Variants in PLAGL1 observed in about 807,000 individuals in gnomAD.
PLAGL1 encodes PLAG1 like zinc finger 1.
PLAGL1 carries 1 observed loss-of-function variant against 4.6 expected under a neutral mutation model. The observed-to-expected ratio is 0.22, with a 90% CI of 0.08 to 1.03. PLAGL1 has a LOEUF of 1.03. Among genes scored for constraint, PLAGL1 ranks in the 50% least tolerant of loss-of-function variants. The pLI, the probability that PLAGL1 is intolerant of heterozygous loss-of-function variation, is 0.58. For synonymous variants in PLAGL1, 240 were observed against 237.8 expected, an observed-to-expected ratio of 1.01 and a Z score of -0.08; for missense variants, 464 against 570.4, an observed-to-expected ratio of 0.81 and a Z score of 1.90.
Position 144,059,486 on chromosome 6 carries a change from C to T in PLAGL1, c.-151+4982G>A, listed in dbSNP as rs1799229162. 6.6e-6 allele frequency among the ~76,000 whole-genome samples: 1 copy of T among 152,196 alleles called. No individual in the cohort carries two copies. The highest frequency in any genetic ancestry group is 2.4e-5 in the African/African-American group (1 of 41,438). The stretch of plus-strand genomic sequence containing the variant: ...CTCTCCAGATACCTCCTCTCAATTC[C>T]CTTTCCTGGGGACCCTGTGACCTCC... On this transcript the variant is annotated intron_variant, in intron 1 of 3. Coordinates refer to the PLAGL1 transcript ENST00000437412. The surrounding 1 kb of genome is among the most constrained non-coding windows in gnomAD (Gnocchi z 4.9).
rs1205880704 is a variant in PLAGL1 at position 144,006,309 on chromosome 6, G to A, written c.-584+1781C>T. The A allele has an allele frequency of 2.6e-5, 4 of 152,030 alleles. No homozygotes were observed. Among genetic ancestry groups the A allele is most frequent in the African/African-American group, 9.7e-5 (4 of 41,374 alleles). The allele number at this position is 152,030 out of a possible 1,614,324, so 9.4% of individuals were successfully genotyped here. A position where few individuals can be genotyped will look rare whatever the true frequency, so the allele number is the denominator to read the frequency against. On this transcript the variant is annotated intron_variant, in intron 1 of 7. Transcript: ENST00000674357. This position sits in a 1 kb window ranked among gnomAD's most constrained non-coding sequence, Gnocchi z 4.3. ...ACACCCATATTTTAACATATTTGGG[G>A]GGAAATGTAACATTCAAACCCAGTG...
intron 1 of PLAGL1, among the ~76,000 whole-genome samples, chr6:143,996,116 A>C (rs1449026992): frequency 6.6e-6 from 1 of 152,178 alleles, no homozygotes; most frequent in Non-Finnish European, 1.5e-5. Flanking sequence ...CTGAACTGTT[A>C]TGATCACAAT....
rs144455527 is a variant in PLAGL1, at chr6:143,950,313, C to A, written c.-324-1853G>T. On this transcript the variant is annotated intron_variant, in intron 6 of 7. Transcript: ENST00000674357. This position sits in a 1 kb window ranked among gnomAD's most constrained non-coding sequence, Gnocchi z 6.3. ...CTCTGCCCAAACCCCTTTCCCCCAACCCCTGGTTCCCTTCCAGTATTCTAG... is the reference window on the plus strand; with the variant it reads ...CTCTGCCCAAACCCCTTTCCCCCAAACCCTGGTTCCCTTCCAGTATTCTAG... Among the ~76,000 whole-genome samples, 294 of 152,300 alleles carry A rather than the reference C, an allele frequency of 1.9e-3. 3 individuals are homozygous for A. Among genetic ancestry groups the A allele is most frequent in the East Asian group, 0.014 (74 of 5,182 alleles).
In PLAGL1 at chr6:144,056,831, A is replaced by AT. The variant is rs939637417; in HGVS notation, c.-151+7636dup. On this transcript the variant is annotated intron_variant, in intron 1 of 3. Transcript: ENST00000437412. This position sits in a 1 kb window ranked among gnomAD's most constrained non-coding sequence, Gnocchi z 4.7. ...AGGTGTGTGCCACCATGCTAAGCTA[A>AT]TTTTTTTTAATTTTATTTATGCTGC... 2.0e-5 allele frequency among the ~76,000 whole-genome samples: 3 copies of AT among 151,752 alleles called. No individual in the cohort carries two copies. Among genetic ancestry groups the AT allele is most frequent in the South Asian group, 2.1e-4 (1 of 4,800 alleles).
intron 1 of PLAGL1, among the ~76,000 whole-genome samples, chr6:143,998,487 T>C (rs961883822): frequency 6.6e-6 from 1 of 152,212 alleles, no homozygotes; most frequent in Admixed American, 6.5e-5. Context: ...TTAAAAGAGA[T>C]AATAATACTT....
In PLAGL1 at chr6:143,947,223, T is replaced by C. The variant is rs960707561; in HGVS notation, c.152+762A>G. ...TTACTAGGGTGGCTTTCCACCCAAGTTGAGAAACTGTGTTCCAAACATTTA... is the reference window on the plus strand; with the variant it reads ...TTACTAGGGTGGCTTTCCACCCAAGCTGAGAAACTGTGTTCCAAACATTTA... On this transcript the variant is annotated intron_variant, in intron 7 of 7. Coordinates refer to ENST00000674357, the MANE Select transcript of PLAGL1 (RefSeq NM_001317162.2). The surrounding 1 kb of genome is among the most constrained non-coding windows in gnomAD (Gnocchi z 4.3). 6.6e-6 allele frequency among the ~76,000 whole-genome samples: 1 copy of C among 152,184 alleles called. No homozygotes were observed. The highest frequency in any genetic ancestry group is 6.5e-5 in the Admixed American group (1 of 15,282).
Position 144,036,851 on chromosome 6 carries a change from G to T in PLAGL1, c.-151+27617C>A. 3.2e-6 allele frequency: 1 copy of T among 309,476 alleles called. No individual in the cohort carries two copies. 19.2% of individuals were successfully genotyped at this position (309,476 alleles called of 1,614,324 possible). On this transcript the variant is annotated intron_variant, in intron 1 of 3. Coordinates refer to the PLAGL1 transcript ENST00000437412. This position sits in a 1 kb window ranked among gnomAD's most constrained non-coding sequence, Gnocchi z 5.1. Reference sequence around the variant, plus strand: ...TTGAAATACTCTGGCATAAAATGAAGGCCATCCCCTAATGGTTTGTTCTTG... The same window carrying T: ...TTGAAATACTCTGGCATAAAATGAATGCCATCCCCTAATGGTTTGTTCTTG...
At position 143,946,909 on chromosome 6, in the gene PLAGL1, A is replaced by G. The variant is rs146145484; in HGVS notation, c.152+1076T>C. On this transcript the variant is annotated intron_variant, in intron 7 of 7. Transcript: ENST00000674357. ...AGTGTGCACAGACACAACACACACC[A>G]TGCTCATTACCAGTCCCAGTACCGT... Among the ~76,000 whole-genome samples the G allele has an allele frequency of 4.9e-3, 742 of 152,344 alleles. 4 individuals carry two copies. Among genetic ancestry groups the G allele is most frequent in the African/African-American group, 0.016 (676 of 41,580 alleles).
At chr6:144,040,956 T>C (rs547726684) in intron 1 of PLAGL1, among the ~76,000 whole-genome samples, 10 of 152,254 alleles carry the variant, frequency 6.6e-5, no homozygotes, top group African/African-American at 2.4e-4. Context: ...TGAATAATCT[T>C]TAAAACCCTT....
Position 143,990,714 on chromosome 6 carries a change from T to C in PLAGL1, c.-583-5540A>G, listed in dbSNP as rs1256037021. 2.0e-5 allele frequency among the ~76,000 whole-genome samples: 3 copies of C among 152,192 alleles called. No homozygotes were observed. Among genetic ancestry groups the C allele is most frequent in the Non-Finnish European group, 4.4e-5 (3 of 68,016 alleles). On this transcript the variant is annotated intron_variant, in intron 1 of 7. Coordinates refer to ENST00000674357, the MANE Select transcript of PLAGL1 (RefSeq NM_001317162.2). The surrounding 1 kb of genome is among the most constrained non-coding windows in gnomAD (Gnocchi z 5.4). ...GTAAAAACGTACCTTCCCTTCAAGA[T>C]ATGCAAGAGCCCAGAGCTGCCCCAA...
Position 143,945,905 on chromosome 6 carries a change from T to G in PLAGL1, c.152+2080A>C, listed in dbSNP as rs1779660796. On this transcript the variant is annotated intron_variant, in intron 7 of 7. Transcript: ENST00000674357. The surrounding 1 kb of genome is among the most constrained non-coding windows in gnomAD (Gnocchi z 4.2). Reference sequence around the variant, plus strand: ...AAGGCGGTTCTTGCATAAAGTACACTGACAGCTTCCCTTTTTGCCTCTCTT... The same window carrying G: ...AAGGCGGTTCTTGCATAAAGTACACGGACAGCTTCCCTTTTTGCCTCTCTT... 6.6e-6 allele frequency among the ~76,000 whole-genome samples: 1 copy of G among 152,232 alleles called. No homozygotes were observed. The highest frequency in any genetic ancestry group is 6.5e-5 in the Admixed American group (1 of 15,288).
rs1780111738 is a variant in PLAGL1 at position 143,947,855 on chromosome 6, C to T, written c.152+130G>A. On this transcript the variant is annotated intron_variant, in intron 7 of 7. Coordinates refer to ENST00000674357, the MANE Select transcript of PLAGL1 (RefSeq NM_001317162.2). The surrounding 1 kb of genome is among the most constrained non-coding windows in gnomAD (Gnocchi z 4.3). Reference sequence around the variant, plus strand: ...CACAGGAATCACTGGATGCAGATTTCAAGAATCCCTCAAAGGCTAAAATGC... The same window carrying T: ...CACAGGAATCACTGGATGCAGATTTTAAGAATCCCTCAAAGGCTAAAATGC... The T allele has an allele frequency of 1.2e-5, 8 of 681,848 alleles. No individual in the cohort carries two copies. The Admixed American group carries it at 2.3e-4, about 19-fold the overall frequency. 42.2% of individuals were successfully genotyped at this position (681,848 alleles called of 1,614,324 possible). A position where few individuals can be genotyped will look rare whatever the true frequency, so the allele number is the denominator to read the frequency against.
intron 1 of PLAGL1, among the ~76,000 whole-genome samples, chr6:144,033,530 T>A (rs1454032963): frequency 2.0e-5 from 3 of 152,182 alleles, no homozygotes; most frequent in Admixed American, 1.3e-4. Flanking sequence ...GTGGTACCAG[T>A]GAGAGTTCAG....
rs17073229 is a variant in PLAGL1, at chr6:143,942,387, C to T, written c.429G>A (p.Ala143=). The change falls in exon 8 of 8, where the codon GCG becomes GCA. Residue 143 remains alanine (A), a synonymous_variant. Coordinates refer to ENST00000674357, the MANE Select transcript of PLAGL1 (RefSeq NM_001317162.2). The surrounding 1 kb of genome is among the most constrained non-coding windows in gnomAD (Gnocchi z 7.6). ...EVLLDHLKAH[A]EEKPPSGTKE... ...TGGTTCCGCTAGGGGGCTTCTCTTC[C>T]GCATGGGCTTTGAGGTGGTCCAGTA... 5,276 of 1,614,110 alleles carry T rather than the reference C, an allele frequency of 3.3e-3. 170 individuals are homozygous for T. The African/African-American group carries it at 0.061, about 19-fold the overall frequency.
chr6:144,048,988 G>A lies in PLAGL1; in HGVS notation c.-151+15480C>T, dbSNP rs1423976522. On this transcript the variant is annotated intron_variant, in intron 1 of 3. Transcript: ENST00000437412. The surrounding 1 kb of genome is among the most constrained non-coding windows in gnomAD (Gnocchi z 4.8). The stretch of plus-strand genomic sequence containing the variant: ...ATTGAATGCTTTCAAAATCAACCAG[G>A]TCACCTCTTGAATGCTTTGCTGCTT... 3.9e-5 allele frequency among the ~76,000 whole-genome samples: 6 copies of A among 152,244 alleles called. No individual in the cohort carries two copies. The highest frequency in any genetic ancestry group is 1.4e-4 in the African/African-American group (6 of 41,538).
chr6:143,947,907 T>G lies in PLAGL1; in HGVS notation c.152+78A>C. Reference sequence around the variant, plus strand: ...TCCATATCCTGTGTCCCTTTCCCCTTGCATCGTGTGGTCTGAGGGCTAGAA... The same window carrying G: ...TCCATATCCTGTGTCCCTTTCCCCTGGCATCGTGTGGTCTGAGGGCTAGAA... On this transcript the variant is annotated intron_variant, in intron 7 of 7. Transcript: ENST00000674357. This position sits in a 1 kb window ranked among gnomAD's most constrained non-coding sequence, Gnocchi z 4.3. 1 of 1,201,890 alleles carries G rather than the reference T, an allele frequency of 8.3e-7. No individual in the cohort carries two copies. The highest frequency in any genetic ancestry group is 1.2e-6 in the Non-Finnish European group (1 of 825,360). 74.5% of individuals were successfully genotyped at this position (1,201,890 alleles called of 1,614,324 possible). A position where few individuals can be genotyped will look rare whatever the true frequency, so the allele number is the denominator to read the frequency against.
chr6:143,942,475 G>A lies in PLAGL1; in HGVS notation c.341C>T (p.Ala114Val), dbSNP rs745728602. ...LGYKRHLALH[A>V]ASSGDLTCGV... The stretch of plus-strand genomic sequence containing the variant: ...ACAGGTGAGGTCCCCACTGCTGGCC[G>A]CATGGAGGGCCAGGTGCCTCTTATA... The change falls in exon 8 of 8, where the codon GCG (alanine) becomes GTG (valine). Residue 114 changes from alanine (A) to valine (V), a missense_variant. Ala to Val is a moderately conservative substitution (Grantham distance 64). Transcript: ENST00000674357. This position sits in a 1 kb window ranked among gnomAD's most constrained non-coding sequence, Gnocchi z 7.6. The A allele has an allele frequency of 4.3e-6, 7 of 1,613,916 alleles. No homozygotes were observed. The South Asian group carries it at 6.6e-5, about 15-fold the overall frequency.
intron 1 of PLAGL1, among the ~76,000 whole-genome samples, chr6:144,030,101 A>C (rs1162920213): frequency 6.6e-6 from 1 of 151,832 alleles, no homozygotes; most frequent in Non-Finnish European, 1.5e-5. Flanking sequence ...AAAAATACAA[A>C]AAAATTAGCC....
In PLAGL1 at chr6:143,975,220, C is replaced by T. The variant is rs1176229554; in HGVS notation, c.-543-6242G>A. On this transcript the variant is annotated intron_variant, in intron 2 of 7. Transcript: ENST00000674357. The surrounding 1 kb of genome is among the most constrained non-coding windows in gnomAD (Gnocchi z 5.8). ...ATATAATCATTCACTGGAGTTCTCT[C>T]ACCAAGGTTATATTAAATAAGTCAT... 6.6e-6 allele frequency among the ~76,000 whole-genome samples: 1 copy of T among 152,198 alleles called. No homozygotes were observed. Among genetic ancestry groups the T allele is most frequent in the African/African-American group, 2.4e-5 (1 of 41,452 alleles).
Sources: gnomAD v4.1 joint callset for allele counts (sites outside exome capture counted in the v4.1 genomes callset) on GRCh38, gnomAD v4.1.1 for gene constraint, Gnocchi (gnomAD v3.1) non-coding constraint, MANE v1.5 for transcripts, NCBI Gene and HGNC (gene_info 2026-07-23, HGNC 2026-07-21) for gene names.